The following MAGI1 variants were observed in gnomAD, a reference collection of about 807,000 sequenced individuals.
MAGI1 encodes the protein membrane-associated guanylate kinase, WW and PDZ domain-containing protein 1.
A neutral mutation model predicts 139.9 loss-of-function variants in MAGI1; 58 were observed. That is an observed-to-expected ratio of 0.41 (90% confidence interval 0.34 to 0.52). MAGI1 has a LOEUF of 0.52. Ranked by LOEUF, MAGI1 falls within the 20% of genes least tolerant of loss-of-function variation. The pLI, the probability that MAGI1 is intolerant of heterozygous loss-of-function variation, is 0.12. For synonymous variants in MAGI1, 812 were observed against 737.9 expected (o/e 1.10, Z -1.63); for missense variants, 1,874 against 1,901.6 (o/e 0.99, Z 0.27).
At chr3:65,407,681 C>T (rs993709794) in intron 12 of MAGI1, among the ~76,000 whole-genome samples, 1 of 152,112 alleles carries the variant, frequency 6.6e-6, no homozygotes, top group South Asian at 2.1e-4. Context: ...TATTCACACA[C>T]ATCATATACC....
intron 2 of MAGI1, among the ~76,000 whole-genome samples, chr3:65,613,427 C>G (rs181495136): frequency 4.6e-4 from 70 of 152,336 alleles, no homozygotes; most frequent in Non-Finnish European, 6.9e-4. Context: ...TAAATTTAAT[C>G]TAAAACTCCC....
chr3:65,461,527 C>T (rs1479919416), intron 5 of MAGI1, among the ~76,000 whole-genome samples: 8 of 133,360 alleles, frequency 6.0e-5, no homozygotes, highest in African/African-American at 8.4e-5. Flanking sequence ...CTCACTCTGT[C>T]GCCCAGGCTG....
chr3:65,582,813 A>C (rs968142952), intron 2 of MAGI1, among the ~76,000 whole-genome samples: 5 of 152,200 alleles, frequency 3.3e-5, no homozygotes, highest in Admixed American at 3.3e-4. Flanking sequence ...GTGTTTTCCA[A>C]AGATACATAC....
At chr3:65,932,733 G>C (rs1367645693) in intron 1 of MAGI1, among the ~76,000 whole-genome samples, 5 of 151,846 alleles carry the variant, frequency 3.3e-5, no homozygotes, top group African/African-American at 1.2e-4. Flanking sequence ...ATCAGAGAAA[G>C]CCCATCTATA....
At chr3:65,359,148 C>T in intron 22 of MAGI1, 1 of 1,613,430 alleles carries the variant, frequency 6.2e-7, no homozygotes, top group South Asian at 1.1e-5. Flanking sequence ...TAGGAGGTAT[C>T]ATCGCTGTGG....
At chr3:65,834,176 G>A (rs114502402) in intron 1 of MAGI1, among the ~76,000 whole-genome samples, 3 of 152,316 alleles carry the variant, frequency 2.0e-5, no homozygotes, top group Non-Finnish European at 4.4e-5. Context: ...GAAAGTAAGA[G>A]GAGGTAGGAA....
At chr3:65,955,441 G>A (rs2064074635) in intron 1 of MAGI1, among the ~76,000 whole-genome samples, 1 of 152,202 alleles carries the variant, frequency 6.6e-6, no homozygotes, top group African/African-American at 2.4e-5. Flanking sequence ...TCCTAGACCA[G>A]TTGCACCTTG....
At chr3:65,775,525 A>G (rs2038335456) in intron 1 of MAGI1, among the ~76,000 whole-genome samples, 1 of 147,918 alleles carries the variant, frequency 6.8e-6, no homozygotes, top group African/African-American at 2.5e-5. Flanking sequence ...AAAAAAAAAA[A>G]AAAGCATCTT....
intron 10 of MAGI1, among the ~76,000 whole-genome samples, chr3:65,431,592 A>G (rs1267729131): frequency 6.6e-6 from 1 of 152,052 alleles, no homozygotes; most frequent in East Asian, 1.9e-4. Context: ...AACCAAAAAA[A>G]CAAACAAAGA....
At chr3:65,883,636 G>T (rs190946191) in intron 1 of MAGI1, among the ~76,000 whole-genome samples, 4 of 152,178 alleles carry the variant, frequency 2.6e-5, no homozygotes, top group African/African-American at 9.7e-5. Flanking sequence ...AAAAAGAAGT[G>T]TTGCTTTAAA....
At chr3:66,026,945 T>A (rs1275236438) in intron 1 of MAGI1, among the ~76,000 whole-genome samples, 3 of 151,864 alleles carry the variant, frequency 2.0e-5, no homozygotes, top group Non-Finnish European at 4.4e-5. Flanking sequence ...TTTCTTTCTT[T>A]TTTCTTTTTT....
chr3:65,479,403 T>C (rs1575933153), intron 3 of MAGI1, among the ~76,000 whole-genome samples: 1 of 152,212 alleles, frequency 6.6e-6, no homozygotes, highest in Admixed American at 6.5e-5. Context: ...GCACCCAGTA[T>C]GGGTCACTCT....
At chr3:65,538,938 A>G (rs1391036050) in intron 2 of MAGI1, among the ~76,000 whole-genome samples, 1 of 152,068 alleles carries the variant, frequency 6.6e-6, no homozygotes, top group African/African-American at 2.4e-5. Context: ...ACTACCGTCA[A>G]CCACAAACAT....
intron 1 of MAGI1, among the ~76,000 whole-genome samples, chr3:65,888,049 T>C (rs1264776298): frequency 6.6e-6 from 1 of 152,188 alleles, no homozygotes; most frequent in Non-Finnish European, 1.5e-5. Context: ...ACTAAGATTT[T>C]TTGAGATCAG....
intron 2 of MAGI1, among the ~76,000 whole-genome samples, chr3:65,506,785 T>C (rs2077305500): frequency 6.6e-6 from 1 of 152,202 alleles, no homozygotes; most frequent in South Asian, 2.1e-4. Flanking sequence ...ATGTGATATT[T>C]ATTGAGCAAA....
intron 1 of MAGI1, among the ~76,000 whole-genome samples, chr3:65,909,969 T>G (rs1379601818): frequency 1.3e-5 from 2 of 152,144 alleles, no homozygotes; most frequent in Non-Finnish European, 2.9e-5. Context: ...ATCCCTCACA[T>G]GTGCAGTTCA....
intron 2 of MAGI1, among the ~76,000 whole-genome samples, chr3:65,586,204 T>G (rs895769766): frequency 4.0e-5 from 6 of 151,312 alleles, no homozygotes; most frequent in African/African-American, 1.5e-4. Context: ...AAAGAGACCC[T>G]GTCTAAAAAA....
intron 12 of MAGI1, among the ~76,000 whole-genome samples, chr3:65,420,771 A>C (rs1946583442): frequency 6.6e-6 from 1 of 152,236 alleles, no homozygotes; most frequent in Non-Finnish European, 1.5e-5. Context: ...AATGAGAACT[A>C]TAAATCACAC....
intron 1 of MAGI1, among the ~76,000 whole-genome samples, chr3:65,714,569 C>T (rs1433446746): frequency 6.6e-6 from 1 of 151,954 alleles, no homozygotes; most frequent in Non-Finnish European, 1.5e-5. Context: ...TATCTCTGAC[C>T]CAAGAGTCTC....
Sources: allele counts gnomAD v4.1 joint callset (sites outside exome capture counted in the v4.1 genomes callset), GRCh38; gene constraint gnomAD v4.1.1; transcripts MANE v1.5; gene names NCBI Gene and HGNC (gene_info 2026-07-23, HGNC 2026-07-21).